LSAMP: variants seen among roughly 807,000 people sequenced by gnomAD.
LSAMP encodes limbic system associated membrane protein.
Under a neutral mutation model 38.6 loss-of-function variants are expected in LSAMP, and 7 were observed. The ratio of observed to expected loss-of-function variants is 0.18; its 90% confidence interval spans 0.10 to 0.34. LSAMP has a LOEUF of 0.34. LSAMP is among the 10% of genes least tolerant of loss of function. The pLI is 1.00. For missense variants in LSAMP, 313 were observed against 420.0 expected (o/e 0.75, Z 2.23); for synonymous variants, 154 against 166.8 (o/e 0.92, Z 0.59).
chr3:116,283,269 T>C (rs960874169), intron 1 of LSAMP, among the ~76,000 whole-genome samples: 9 of 152,268 alleles, frequency 5.9e-5, no homozygotes, highest in African/African-American at 2.2e-4. Flanking sequence ...AATTTTGAAG[T>C]ACCTAGTTAC....
chr3:116,115,176 A>G (rs1708714043), intron 1 of LSAMP, among the ~76,000 whole-genome samples: 2 of 152,246 alleles, frequency 1.3e-5, no homozygotes, highest in South Asian at 2.1e-4. Flanking sequence ...ATACATTTGC[A>G]TTACTTTCAA....
At chr3:115,940,851 T>G (rs1664641341) in intron 3 of LSAMP, among the ~76,000 whole-genome samples, 1 of 152,182 alleles carries the variant, frequency 6.6e-6, no homozygotes, top group African/African-American at 2.4e-5. Flanking sequence ...TAATATAGTT[T>G]GAAATCAGGG....
chr3:116,319,792 GT>G (rs879615588), intron 1 of LSAMP, among the ~76,000 whole-genome samples: 5,189 of 140,822 alleles, frequency 0.037, 278 homozygotes, highest in African/African-American at 0.13. Context: ...TAGACTCAAA[GT>G]TTTTTTTTTT....
intron 1 of LSAMP, among the ~76,000 whole-genome samples, chr3:116,123,429 T>G (rs1708933241): frequency 6.6e-6 from 1 of 152,206 alleles, no homozygotes; most frequent in Non-Finnish European, 1.5e-5. Flanking sequence ...AAGTCTAGGT[T>G]TTTCAATTTA....
At chr3:116,137,864 C>T (rs1472851440) in intron 1 of LSAMP, among the ~76,000 whole-genome samples, 1 of 152,088 alleles carries the variant, frequency 6.6e-6, no homozygotes, top group Non-Finnish European at 1.5e-5. Context: ...TTTGTTTTTG[C>T]CTATTGGCAA....
intron 1 of LSAMP, among the ~76,000 whole-genome samples, chr3:116,284,186 G>A (rs2047164905): frequency 6.6e-6 from 1 of 152,106 alleles, no homozygotes; most frequent in African/African-American, 2.4e-5. Context: ...GATGATTTTA[G>A]AGCCCCTCCA....
chr3:116,404,368 T>C (rs1053444782), intron 1 of LSAMP, among the ~76,000 whole-genome samples: 1 of 152,134 alleles, frequency 6.6e-6, no homozygotes, highest in Non-Finnish European at 1.5e-5. Flanking sequence ...TCTCATAAAG[T>C]AAAAATATGC....
intron 1 of LSAMP, among the ~76,000 whole-genome samples, chr3:116,443,064 T>A (rs2049458552): frequency 1.1e-4 from 17 of 152,230 alleles, no homozygotes; most frequent in Admixed American, 1.1e-3. Flanking sequence ...AACATATACA[T>A]TCAAGTTATT....
intron 1 of LSAMP, among the ~76,000 whole-genome samples, chr3:116,268,806 G>C (rs748071387): frequency 1.3e-5 from 2 of 151,626 alleles, no homozygotes; most frequent in Non-Finnish European, 2.9e-5. Context: ...TTATTCTCTT[G>C]TAGGATGAAG....
At chr3:116,019,142 T>C (rs1940564237) in intron 3 of LSAMP, among the ~76,000 whole-genome samples, 1 of 105,712 alleles carries the variant, frequency 9.5e-6, no homozygotes, top group South Asian at 4.0e-4. Context: ...GCTTCTGTAT[T>C]TGTTGCATTG....
At chr3:116,137,370 T>G (rs2107510460) in intron 1 of LSAMP, among the ~76,000 whole-genome samples, 1 of 152,234 alleles carries the variant, frequency 6.6e-6, no homozygotes, top group Middle Eastern at 3.4e-3. Flanking sequence ...ATTTCCAAAC[T>G]TCCAATGTAA....
At chr3:116,309,352 T>A (rs933579346) in intron 1 of LSAMP, among the ~76,000 whole-genome samples, 3 of 152,110 alleles carry the variant, frequency 2.0e-5, no homozygotes, top group African/African-American at 7.2e-5. Context: ...TCTGTGACAA[T>A]AAAAATGTGT....
At chr3:115,927,075 A>T (rs1205640643) in intron 3 of LSAMP, among the ~76,000 whole-genome samples, 2 of 152,204 alleles carry the variant, frequency 1.3e-5, no homozygotes, top group Non-Finnish European at 2.9e-5. Flanking sequence ...TTATTTGTTG[A>T]CTGTTTGACT....
chr3:116,187,797 T>A (rs2107577637), intron 1 of LSAMP, among the ~76,000 whole-genome samples: 1 of 152,266 alleles, frequency 6.6e-6, no homozygotes, highest in Middle Eastern at 3.4e-3. Flanking sequence ...CACATTTTTT[T>A]CACTTTTATT....
At chr3:116,380,813 A>G (rs1038319580) in intron 1 of LSAMP, among the ~76,000 whole-genome samples, 1 of 152,034 alleles carries the variant, frequency 6.6e-6, no homozygotes, top group Admixed American at 6.6e-5. Context: ...TCTATTGGGT[A>G]TAGCTTTGGT....
intron 1 of LSAMP, among the ~76,000 whole-genome samples, chr3:116,329,505 T>C (rs1268322429): frequency 6.6e-6 from 1 of 152,070 alleles, no homozygotes; most frequent in Non-Finnish European, 1.5e-5. Context: ...CTTTGGACTT[T>C]TGTTTGTTTG....
intron 1 of LSAMP, among the ~76,000 whole-genome samples, chr3:116,319,645 G>A (rs901177222): frequency 2.0e-5 from 3 of 152,106 alleles, no homozygotes; most frequent in Admixed American, 6.6e-5. Context: ...GTTAAATTCT[G>A]CATATCCCTC....
intron 3 of LSAMP, among the ~76,000 whole-genome samples, chr3:115,893,586 C>T (rs923014543): frequency 6.6e-6 from 1 of 151,550 alleles, no homozygotes; most frequent in East Asian, 1.9e-4. Flanking sequence ...AATTTTTGAT[C>T]AATCATAGTA....
At chr3:116,264,868 A>G (rs1406072005) in intron 1 of LSAMP, among the ~76,000 whole-genome samples, 2 of 151,894 alleles carry the variant, frequency 1.3e-5, no homozygotes, top group Non-Finnish European at 2.9e-5. Flanking sequence ...TGGCCTCCCA[A>G]GTGCTGGGGG....
Sources: gnomAD v4.1 joint callset for allele counts (sites outside exome capture counted in the v4.1 genomes callset) on GRCh38, gnomAD v4.1.1 for gene constraint, MANE v1.5 for transcripts, NCBI Gene and HGNC (gene_info 2026-07-23, HGNC 2026-07-21) for gene names.